Variants in DNAH6 observed in about 807,000 individuals in gnomAD.
DNAH6 encodes dynein axonemal heavy chain 6, also known as axonemal beta dynein heavy chain 6.
A neutral mutation model predicts 491.4 loss-of-function variants in DNAH6; 340 were observed. That is an observed-to-expected ratio of 0.69 (90% CI 0.63 to 0.76). The LOEUF is 0.76. Ranked by LOEUF, DNAH6 falls within the 30% of genes least tolerant of loss-of-function variation. The pLI is 0.00. For synonymous variants in DNAH6, 1,603 were observed against 1,686.1 expected, an observed-to-expected ratio of 0.95 and a Z score of 1.21; for missense variants, 4,443 against 4,972.2, an observed-to-expected ratio of 0.89 and a Z score of 3.20.
chr2:84,761,789 T>TACACACACACACACACAC (rs35707461), intron 63 of DNAH6, among the ~76,000 whole-genome samples: 6 of 141,870 alleles, frequency 4.2e-5, no homozygotes, highest in South Asian at 2.3e-4. Context: ...CACACACACA[T>TACACACACACACACACAC]ACACACACAC....
At chr2:84,504,684 T>A in the DNAH6 span, among the ~76,000 whole-genome samples, 1 of 152,212 alleles carries the variant, frequency 6.6e-6, no homozygotes, top group East Asian at 1.9e-4. Flanking sequence ...ATGGACTTGG[T>A]TAATATCCAG....
In DNAH6 at chr2:84,620,779, A is replaced by C. The variant is rs146919104; in HGVS notation, c.3793-412A>C. Among the ~76,000 whole-genome samples, 416 of 152,326 alleles carry C rather than the reference A, an allele frequency of 2.7e-3. 1 individual carries two copies. Among genetic ancestry groups the C allele is most frequent in the African/African-American group, 9.6e-3 (401 of 41,574 alleles). Reference sequence around the variant, plus strand: ...AAGTTAGAAGAAGAGCAGATGAAGGAAGCCAAAACAGCCATGACAGTCAAG... The same window carrying C: ...AAGTTAGAAGAAGAGCAGATGAAGGCAGCCAAAACAGCCATGACAGTCAAG... On this transcript the variant is annotated intron_variant, in intron 24 of 76. Coordinates refer to ENST00000389394, the MANE Select transcript of DNAH6 (RefSeq NM_001370.2).
At chr2:84,615,366 G>C (rs1223467298) in intron 22 of DNAH6, among the ~76,000 whole-genome samples, 2 of 151,952 alleles carry the variant, frequency 1.3e-5, no homozygotes, top group Admixed American at 6.6e-5. Context: ...TTATTTCCAG[G>C]TTCTCTATTC....
intron 14 of DNAH6, among the ~76,000 whole-genome samples, chr2:84,580,485 A>G (rs1275044857): frequency 6.6e-6 from 1 of 152,214 alleles, no homozygotes; most frequent in African/African-American, 2.4e-5. Context: ...GTTGGCATTT[A>G]AAATATAGAT....
chr2:84,672,490 T>C lies in DNAH6; in HGVS notation c.6612+6T>C, dbSNP rs1310741580. 1.9e-6 allele frequency: 3 copies of C among 1,545,698 alleles called. No individual in the cohort carries two copies. The South Asian group carries it at 3.6e-5, about 19-fold the overall frequency. ...TGTTTTGGAAAGAAATACAGGTTAC[T>C]TTAGCTTTTAAATTACTTGGTGTGC... On this transcript the variant is annotated splice_donor_region_variant and intron_variant, in intron 40 of 76. Transcript: ENST00000389394.
At chr2:84,659,229 T>C in intron 37 of DNAH6, 60 bp downstream of exon 37, 3 of 962,168 alleles carry the variant, frequency 3.1e-6, no homozygotes, top group Non-Finnish European at 4.2e-6. Context: ...AATTTTAAGA[T>C]TAAAACTTTA....
chr2:84,621,508 A>T lies in DNAH6; in HGVS notation c.4028A>T (p.Asn1343Ile), dbSNP rs1271185696. The change falls in exon 26 of 77, where the codon AAT (asparagine) becomes ATT (isoleucine). Residue 1343 changes from asparagine (N) to isoleucine (I), a missense_variant. Physicochemically the swap from Asn to Ile is moderately radical, Grantham distance 149 (BLOSUM62 -3). Transcript: ENST00000389394. ...GAATGTCTGGAAACAGAACACAGTA[A>T]TCATATACAGGCCCTGAAGAATTTT... Reference protein sequence around the residue: ...LTECLETEHSNHIQALKNFEK... With the variant: ...LTECLETEHSIHIQALKNFEK... 6.5e-7 allele frequency: 1 copy of T among 1,532,744 alleles called. No individual in the cohort carries two copies. Among genetic ancestry groups the T allele is most frequent in the African/African-American group, 1.4e-5 (1 of 72,768 alleles). 94.9% of individuals were successfully genotyped at this position (1,532,744 alleles called of 1,614,324 possible).
At chr2:84,779,186 ATT>A (rs1218133717) in intron 64 of DNAH6, among the ~76,000 whole-genome samples, 1 of 152,138 alleles carries the variant, frequency 6.6e-6, no homozygotes, top group Non-Finnish European at 1.5e-5. Flanking sequence ...TATGTCCAGA[ATT>A]TTTTTGTTAG....
intron 70 of DNAH6, among the ~76,000 whole-genome samples, chr2:84,799,753 G>T (rs1384772327): frequency 6.6e-6 from 1 of 152,170 alleles, no homozygotes; most frequent in African/African-American, 2.4e-5. Flanking sequence ...CCCCACTTGG[G>T]AAAAAGGAAA....
At chr2:84,687,378 C>T (rs1405619686) in intron 44 of DNAH6, among the ~76,000 whole-genome samples, 1 of 152,116 alleles carries the variant, frequency 6.6e-6, no homozygotes, top group African/African-American at 2.4e-5. Flanking sequence ...CACAGAGGTA[C>T]GTAGCAGGCT....
chr2:84,656,455 A>G (rs1690979958), intron 35 of DNAH6, among the ~76,000 whole-genome samples: 1 of 152,110 alleles, frequency 6.6e-6, no homozygotes, highest in East Asian at 1.9e-4. Flanking sequence ...AGCATTTGGC[A>G]TTGTCAGTGT....
At chr2:84,528,851 T>C in intron 3 of DNAH6, 53 bp from the exon 4 acceptor site, 2 of 1,466,208 alleles carry the variant, frequency 1.4e-6, no homozygotes, top group Non-Finnish European at 1.8e-6. Context: ...GTTGCTCTTG[T>C]GTGTATGTGT....
Position 84,685,354 on chromosome 2 carries a change from A to T in DNAH6, c.6945A>T (p.Ile2315=), listed in dbSNP as rs1315724724. ...QGILQCDPGT[I]REEIQIFRLF... ...TCCTCCAATGTGATCCAGGAACAAT[A>T]AGAGAAGAAATTCAGATATTTAGAC... is the stretch of plus-strand genomic sequence containing the variant. The change falls in exon 43 of 77, where the codon ATA becomes ATT. Residue 2315 remains isoleucine (I), a synonymous_variant. Transcript: ENST00000389394. 1.1e-5 allele frequency: 17 copies of T among 1,519,040 alleles called. No homozygotes were observed. The highest frequency in any genetic ancestry group is 1.5e-5 in the Non-Finnish European group (17 of 1,128,136). The allele number at this position is 1,519,040 out of a possible 1,614,324, so 94.1% of individuals were successfully genotyped here.
intron 42 of DNAH6, among the ~76,000 whole-genome samples, chr2:84,684,779 A>G (rs1258977268): frequency 2.0e-5 from 3 of 152,194 alleles, no homozygotes; most frequent in Non-Finnish European, 4.4e-5. Context: ...TGTTGCTTTG[A>G]TTGTAACTTG....
chr2:84,693,071 G>A (rs1695029791), intron 45 of DNAH6, among the ~76,000 whole-genome samples: 1 of 152,024 alleles, frequency 6.6e-6, no homozygotes, highest in South Asian at 2.1e-4. Flanking sequence ...GGGTCCGTGG[G>A]TTCAGTCCCA....
chr2:84,722,605 G>T lies in DNAH6; in HGVS notation c.9793-20G>T, dbSNP rs776829706. 1.2e-5 allele frequency: 19 copies of T among 1,529,462 alleles called. No homozygotes were observed. The South Asian group carries it at 2.3e-4, about 18-fold the overall frequency. 94.7% of individuals were successfully genotyped at this position (1,529,462 alleles called of 1,614,324 possible). On this transcript the variant is annotated intron_variant, in intron 59 of 76. Transcript: ENST00000389394. ...TTCTGGAACAGATCCCTAAGAACTT[G>T]TTATTGTATGTTTATTCAGATCACT... is the stretch of plus-strand genomic sequence containing the variant.
At position 84,697,699 on chromosome 2, in the gene DNAH6, T is replaced by G; in HGVS notation, c.7649T>G (p.Val2550Gly). ...GCCACCAGACCAAGAGCAAAAGAAG[T>G]AGGAATTTCTGAGGGGAACAGAGAC... ...LAATRPRAKE[V>G]GISEGNRDEV... is the part of the protein sequence containing the mutation. Residue 2550 changes from valine (V) to glycine (G), a missense_variant, in exon 47 of 77, where the codon GTA becomes GGA. By Grantham distance (109) the Val-to-Gly change is moderately radical. Coordinates refer to ENST00000389394, the MANE Select transcript of DNAH6 (RefSeq NM_001370.2). 6.4e-7 allele frequency: 1 copy of G among 1,551,544 alleles called. No individual in the cohort carries two copies. The highest frequency in any genetic ancestry group is 8.7e-7 in the Non-Finnish European group (1 of 1,146,944).
At chr2:84,807,514 G>A (rs1470314357) in intron 71 of DNAH6, among the ~76,000 whole-genome samples, 6 of 152,248 alleles carry the variant, frequency 3.9e-5, no homozygotes, top group East Asian at 3.9e-4. Flanking sequence ...AGTAACATGC[G>A]ATAAACACTA....
At chr2:84,481,762 A>T in the DNAH6 span, among the ~76,000 whole-genome samples, 2 of 152,154 alleles carry the variant, frequency 1.3e-5, no homozygotes, top group Non-Finnish European at 2.9e-5. Context: ...GGTCTATGCC[A>T]CTCTGGCACA....
Sources: allele counts gnomAD v4.1 joint callset (sites outside exome capture counted in the v4.1 genomes callset), GRCh38; gene constraint gnomAD v4.1.1; transcripts MANE v1.5; gene names NCBI Gene and HGNC (gene_info 2026-07-23, HGNC 2026-07-21).